The following DIP2A variants were observed in gnomAD, a reference collection of about 807,000 sequenced individuals.
DIP2A encodes the protein disco-interacting protein 2 homolog A.
A neutral mutation model predicts 177.4 loss-of-function variants in DIP2A; 85 were observed. The ratio of observed to expected loss-of-function variants is 0.48; its 90% CI spans 0.40 to 0.57. The LOEUF is 0.57. DIP2A is among the 20% of genes least tolerant of loss of function. The pLI is 0.00. For synonymous variants in DIP2A, 886 were observed against 881.8 expected, an observed-to-expected ratio of 1.00 and a Z score of -0.08; for missense variants, 1,791 against 2,100.2, an observed-to-expected ratio of 0.85 and a Z score of 2.88.
intron 1 of DIP2A, among the ~76,000 whole-genome samples, chr21:46,473,477 G>GC (rs1555871625): frequency 7.0e-6 from 1 of 143,118 alleles, no homozygotes; most frequent in Non-Finnish European, 1.5e-5. Flanking sequence ...AGGGGGGGGG[G>GC]CCATGGCGGT....
At chr21:46,459,688 C>T (rs1003962457) in intron 1 of DIP2A, among the ~76,000 whole-genome samples, 33 of 151,336 alleles carry the variant, frequency 2.2e-4, no homozygotes, top group African/African-American at 7.3e-4. Context: ...GGACCACTGC[C>T]CCGCCTCTCA....
At chr21:46,514,198 G>A (rs1297552281) in intron 8 of DIP2A, among the ~76,000 whole-genome samples, 2 of 152,062 alleles carry the variant, frequency 1.3e-5, no homozygotes, top group African/African-American at 4.8e-5. Context: ...ACTTTGGGAG[G>A]CCGAGGCAGG....
At chr21:46,462,439 G>A (rs1420281599) in intron 1 of DIP2A, 2 of 152,214 alleles carry the variant, frequency 1.3e-5, no homozygotes, top group African/African-American at 4.8e-5. Context: ...AGCTGTAAAA[G>A]GGGGTGAATA....
rs543789733 is a variant in DIP2A at position 46,527,333 on chromosome 21, T to TTTG, written c.1103-1757_1103-1756insGTT. Among the ~76,000 whole-genome samples the TTTG allele has an allele frequency of 2.1e-4, 31 of 145,728 alleles. No homozygotes were observed. In the South Asian group the frequency reaches 5.2e-3, roughly 24 times the overall value. On this transcript the variant is annotated intron_variant, in intron 8 of 37. Coordinates refer to ENST00000417564, the MANE Select transcript of DIP2A (RefSeq NM_015151.4). The stretch of plus-strand genomic sequence containing the variant: ...CAGTGGTTTGAGTTGAGGTTTTTTT[T>TTTG]TTTTTTTTTTTTGAGAGGGAGTCTC...
In DIP2A at chr21:46,498,935, C is replaced by T. The variant is rs552792579; in HGVS notation, c.655+102C>T. ...GGCACCTGAGCCAGGCGCCACCCTG[C>T]AGACTTAGCTGCAGGCCTGAGTGCT... On this transcript the variant is annotated intron_variant, in intron 5 of 37. Transcript: ENST00000417564. The surrounding 1 kb of genome is among the most constrained non-coding windows in gnomAD (Gnocchi z 4.3). 69 of 1,423,184 alleles carry T rather than the reference C, an allele frequency of 4.8e-5. No homozygotes were observed. The highest frequency in any genetic ancestry group is 1.9e-4 in the Admixed American group (7 of 36,798). 88.2% of individuals were successfully genotyped at this position (1,423,184 alleles called of 1,614,324 possible). A position where few individuals can be genotyped will look rare whatever the true frequency, so the allele number is the denominator to read the frequency against.
At chr21:46,506,220 C>T (rs891326790) in intron 6 of DIP2A, among the ~76,000 whole-genome samples, 2 of 152,052 alleles carry the variant, frequency 1.3e-5, no homozygotes, top group Non-Finnish European at 2.9e-5. Flanking sequence ...TGGGTTCAAG[C>T]GATTCTCCTG....
At position 46,538,647 on chromosome 21, in the gene DIP2A, C is replaced by T. The variant is rs745891472; in HGVS notation, c.1921+45C>T. 166 of 1,538,158 alleles carry T rather than the reference C, an allele frequency of 1.1e-4. 1 individual carries two copies. The South Asian group carries it at 1.9e-3, about 17-fold the overall frequency. ...CGGCGCATACCCCACACAGTGTCCC[C>T]TCCTGCAAACCAAAGTAGAATACAC... On this transcript the variant is annotated intron_variant, in intron 16 of 37. Coordinates refer to ENST00000417564, the MANE Select transcript of DIP2A (RefSeq NM_015151.4).
intron 8 of DIP2A, among the ~76,000 whole-genome samples, chr21:46,514,641 G>GTTTTTTT (rs1569013985): frequency 1.0e-4 from 6 of 59,528 alleles, no homozygotes; most frequent in Non-Finnish European, 1.5e-4. Context: ...TTTTTTTTTT[G>GTTTTTTT]GTTTTTTTTT....
chr21:46,466,070 A>T (rs1016781902), intron 1 of DIP2A, among the ~76,000 whole-genome samples: 4 of 152,254 alleles, frequency 2.6e-5, no homozygotes, highest in African/African-American at 9.6e-5. Context: ...TTTATCTGCT[A>T]CAGTGAGCTT....
chr21:46,467,132 T>C (rs1331954904), intron 1 of DIP2A, among the ~76,000 whole-genome samples: 1 of 151,522 alleles, frequency 6.6e-6, no homozygotes, highest in Non-Finnish European at 1.5e-5. Flanking sequence ...CTGTCTCTAC[T>C]AAAAATACAA....
At chr21:46,513,637 A>G (rs1181896132) in intron 8 of DIP2A, among the ~76,000 whole-genome samples, 5 of 152,166 alleles carry the variant, frequency 3.3e-5, no homozygotes, top group African/African-American at 1.2e-4. Context: ...ATTGCATTGA[A>G]TCTCTAGTTC....
the DIP2A span, among the ~76,000 whole-genome samples, chr21:46,580,333 T>C: frequency 2.0e-5 from 3 of 152,210 alleles, no homozygotes; most frequent in Non-Finnish European, 4.4e-5. Flanking sequence ...TTGAGCCTCA[T>C]GTGTCTTTGC....
chr21:46,531,146 G>T (rs1474180795), intron 9 of DIP2A, among the ~76,000 whole-genome samples: 1 of 152,054 alleles, frequency 6.6e-6, no homozygotes, highest in Admixed American at 6.6e-5. Context: ...GTCCAGGGGG[G>T]GCAGCAGAGC....
chr21:46,515,840 G>GT (rs1171644494), intron 8 of DIP2A, among the ~76,000 whole-genome samples: 2 of 152,008 alleles, frequency 1.3e-5, no homozygotes, highest in Non-Finnish European at 2.9e-5. Flanking sequence ...CCGGCCCATT[G>GT]TTTTTTGTTT....
chr21:46,551,760 G>T lies in DIP2A; in HGVS notation c.2949+17G>T. ...GCACGGAAGGTGACAGGCCAGTTCC[G>T]GGGACGGGTGGACGGGTGTCTGTGC... On this transcript the variant is annotated intron_variant, in intron 24 of 37. Transcript: ENST00000417564. 6.2e-7 allele frequency: 1 copy of T among 1,613,694 alleles called. No homozygotes were observed. The highest frequency in any genetic ancestry group is 1.3e-5 in the African/African-American group (1 of 74,994).
At chr21:46,564,326 C>CT (rs1468399723) in intron 35 of DIP2A, among the ~76,000 whole-genome samples, 1 of 152,206 alleles carries the variant, frequency 6.6e-6, no homozygotes, top group Non-Finnish European at 1.5e-5. Context: ...AACTCTGCAC[C>CT]AGAAGAGTTC....
intron 5 of DIP2A, among the ~76,000 whole-genome samples, chr21:46,502,992 A>T (rs1191708748): frequency 2.6e-5 from 4 of 152,062 alleles, no homozygotes; most frequent in African/African-American, 9.7e-5. Flanking sequence ...TCCAGATCTA[A>T]TGTCTGTTTT....
downstream of DIP2A, among the ~76,000 whole-genome samples, chr21:46,571,520 C>T (rs1349743702): frequency 1.3e-5 from 2 of 152,172 alleles, no homozygotes; most frequent in African/African-American, 4.8e-5. Flanking sequence ...ATTGGTTCTT[C>T]CTATCCATGA....
chr21:46,535,157 A>C (rs1242632011), intron 13 of DIP2A, among the ~76,000 whole-genome samples: 1 of 152,228 alleles, frequency 6.6e-6, no homozygotes, highest in Non-Finnish European at 1.5e-5. Context: ...TCATGGATAT[A>C]AATATATAAG....
Sources: allele counts gnomAD v4.1 joint callset (sites outside exome capture counted in the v4.1 genomes callset), GRCh38; gene constraint gnomAD v4.1.1; non-coding constraint Gnocchi (gnomAD v3.1); transcripts MANE v1.5; gene names NCBI Gene and HGNC (gene_info 2026-07-23, HGNC 2026-07-21).